UTRN: variants seen among roughly 807,000 people sequenced by gnomAD.
The protein encoded by UTRN is utrophin, also known as dystrophin-related protein 1.
A neutral mutation model predicts 463.9 loss-of-function variants in UTRN; 283 were observed. The observed-to-expected ratio is 0.61, with a 90% CI of 0.55 to 0.67. The LOEUF is 0.67. UTRN is among the 30% of genes least tolerant of loss of function. The pLI is 0.00. For synonymous variants in UTRN, 1,442 were observed against 1,431.5 expected (o/e 1.01, Z -0.17); for missense variants, 3,922 against 4,084.3 (o/e 0.96, Z 1.08).
Position 144,463,629 on chromosome 6 carries a change from T to A in UTRN, c.3066+763T>A, listed in dbSNP as rs11961392. On this transcript the variant is annotated intron_variant, in intron 23 of 74. Transcript: ENST00000367545. Reference sequence around the variant, plus strand: ...CCTTACCTTGGTCTTTTTTTTTTTTTTTCCCCATCAGTCAGGGATCTTTGT... The same window carrying A: ...CCTTACCTTGGTCTTTTTTTTTTTTATTCCCCATCAGTCAGGGATCTTTGT... Among the ~76,000 whole-genome samples, 971 of 151,934 alleles carry A rather than the reference T, an allele frequency of 6.4e-3. 7 individuals carry two copies. Among genetic ancestry groups the A allele is most frequent in the African/African-American group, 0.022 (911 of 41,432 alleles).
intron 2 of UTRN, among the ~76,000 whole-genome samples, chr6:144,353,868 A>C (rs1778328051): frequency 6.8e-6 from 1 of 147,420 alleles, no homozygotes; most frequent in Non-Finnish European, 1.5e-5. Flanking sequence ...AACACACACA[A>C]AAACAAAAAC....
In UTRN at chr6:144,502,994, A is replaced by G. The variant is rs536264862; in HGVS notation, c.4764+3567A>G. ...TGTAGTTTTGATTTGCATTTCTGTA[A>G]TGACCAGTGATGATGAGCTTTTTTT... On this transcript the variant is annotated intron_variant, in intron 34 of 74. Coordinates refer to ENST00000367545, the MANE Select transcript of UTRN (RefSeq NM_007124.3). Among the ~76,000 whole-genome samples, 228 of 152,310 alleles carry G rather than the reference A, an allele frequency of 1.5e-3. 2 individuals are homozygous for G. The highest frequency in any genetic ancestry group is 5.1e-3 in the African/African-American group (214 of 41,560).
chr6:144,732,814 T>C (rs547903011), intron 54 of UTRN, among the ~76,000 whole-genome samples: 74 of 152,152 alleles, frequency 4.9e-4, no homozygotes, highest in African/African-American at 1.7e-3. Context: ...CAGGATCAAG[T>C]GATCAATCCT....
intron 2 of UTRN, among the ~76,000 whole-genome samples, chr6:144,383,855 C>G (rs1781159436): frequency 6.6e-6 from 1 of 152,056 alleles, no homozygotes; most frequent in Non-Finnish European, 1.5e-5. Context: ...TTCAGGTTAC[C>G]TGTAATTATA....
chr6:144,477,927 A>G (rs1477974080), intron 25 of UTRN, among the ~76,000 whole-genome samples: 1 of 151,060 alleles, frequency 6.6e-6, no homozygotes, highest in African/African-American at 2.4e-5. Flanking sequence ...ATCCACATAC[A>G]TATGGTGACA....
In UTRN at chr6:144,287,324, G is replaced by A. The variant is rs557487493; in HGVS notation, c.-93+1503G>A. Among the ~76,000 whole-genome samples the A allele has an allele frequency of 3.4e-4, 52 of 152,262 alleles. 1 individual carries two copies. Among genetic ancestry groups the A allele is most frequent in the African/African-American group, 5.1e-4 (21 of 41,552 alleles). Reference sequence around the variant, plus strand: ...CTAAAATTTATTGGCTCTGTAAACAGTATTAATCACAGTAGTATTAACCTT... The same window carrying A: ...CTAAAATTTATTGGCTCTGTAAACAATATTAATCACAGTAGTATTAACCTT... On this transcript the variant is annotated intron_variant, in intron 1 of 74. Coordinates refer to ENST00000367545, the MANE Select transcript of UTRN (RefSeq NM_007124.3).
intron 65 of UTRN, among the ~76,000 whole-genome samples, chr6:144,805,944 G>T (rs1416728481): frequency 2.0e-5 from 3 of 152,102 alleles, no homozygotes; most frequent in African/African-American, 4.8e-5. Context: ...GAACCCTGGG[G>T]ATCATTGTAA....
intron 2 of UTRN, among the ~76,000 whole-genome samples, chr6:144,312,953 A>C (rs1468984142): frequency 6.6e-6 from 1 of 152,246 alleles, no homozygotes; most frequent in African/African-American, 2.4e-5. Flanking sequence ...CTCAAAATAC[A>C]GTGGCTCAAA....
intron 26 of UTRN, 90 bp from the exon 27 acceptor site, chr6:144,482,119 G>T: frequency 1.7e-6 from 2 of 1,211,138 alleles, no homozygotes; most frequent in African/African-American, 1.5e-5. Flanking sequence ...TTTAACTTTG[G>T]TTTAATTCTT....
intron 47 of UTRN, among the ~76,000 whole-genome samples, chr6:144,549,296 A>C (rs1798694151): frequency 6.6e-6 from 1 of 152,194 alleles, no homozygotes; most frequent in Non-Finnish European, 1.5e-5. Context: ...ATTTGTAAAA[A>C]TTCTTTTTCC....
chr6:144,459,487 CA>C (rs1789194020), intron 21 of UTRN, 133 bp downstream of exon 21: 1 of 992,652 alleles, frequency 1.0e-6, no homozygotes. Flanking sequence ...CTGTATTGTT[CA>C]AAGTCTTAAA....
chr6:144,301,875 G>A (rs957930974), intron 2 of UTRN, among the ~76,000 whole-genome samples: 3 of 151,582 alleles, frequency 2.0e-5, no homozygotes, highest in Non-Finnish European at 4.4e-5. Flanking sequence ...CCTCCCCCTC[G>A]CCCCAAAAAC....
At chr6:144,396,231 G>T (rs565456226) in intron 2 of UTRN, among the ~76,000 whole-genome samples, 1 of 152,290 alleles carries the variant, frequency 6.6e-6, no homozygotes, top group African/African-American at 2.4e-5. Context: ...CTACAACATG[G>T]ATGAAACCTT....
At chr6:144,726,618 G>A (rs1787908729) in intron 53 of UTRN, among the ~76,000 whole-genome samples, 1 of 152,198 alleles carries the variant, frequency 6.6e-6, no homozygotes, top group Non-Finnish European at 1.5e-5. Context: ...ATAGTAGAAG[G>A]TGCCAGGTCT....
Position 144,554,748 on chromosome 6 carries a change from A to G in UTRN, c.6989A>G (p.Gln2330Arg), listed in dbSNP as rs147901970. The G allele has an allele frequency of 6.8e-6, 11 of 1,613,944 alleles. No homozygotes were observed. The highest frequency in any genetic ancestry group is 1.3e-5 in the African/African-American group (1 of 74,890). ...TQHGVELRQQQLEDMIIDSLQ... is the reference protein window; with the variant it reads ...TQHGVELRQQRLEDMIIDSLQ... ...CATGGCGTTGAGCTAAGACAGCAGCAGCTTGAGGACATGATTATTGACAGT... is the reference window on the plus strand; with the variant it reads ...CATGGCGTTGAGCTAAGACAGCAGCGGCTTGAGGACATGATTATTGACAGT... The change falls in exon 49 of 75, where the codon CAG becomes CGG. Residue 2330 changes from glutamine to arginine, a missense_variant. Transcript: ENST00000367545.
intron 14 of UTRN, among the ~76,000 whole-genome samples, chr6:144,446,896 A>C (rs1041421571): frequency 3.3e-5 from 5 of 152,222 alleles, no homozygotes; most frequent in African/African-American, 1.2e-4. Flanking sequence ...GGAAGTTGTA[A>C]TGTAATTCCT....
intron 54 of UTRN, among the ~76,000 whole-genome samples, chr6:144,735,555 G>A (rs1192867696): frequency 6.6e-6 from 1 of 152,154 alleles, no homozygotes; most frequent in Non-Finnish European, 1.5e-5. Context: ...CAACAAGAAA[G>A]AAGGTGCTAG....
chr6:144,782,928 G>T (rs565211414), intron 61 of UTRN, among the ~76,000 whole-genome samples: 1 of 152,136 alleles, frequency 6.6e-6, no homozygotes, highest in Non-Finnish European at 1.5e-5. Flanking sequence ...GGGCACGGTG[G>T]CTCCCGCCTG....
intron 2 of UTRN, among the ~76,000 whole-genome samples, chr6:144,346,913 CT>C (rs1306299183): frequency 6.4e-4 from 96 of 149,798 alleles, no homozygotes; most frequent in African/African-American, 2.3e-3. Context: ...TATCATCTAT[CT>C]ATCTATCGAT....
Sources: gnomAD v4.1 joint callset for allele counts (sites outside exome capture counted in the v4.1 genomes callset) on GRCh38, gnomAD v4.1.1 for gene constraint, MANE v1.5 for transcripts, NCBI Gene and HGNC (gene_info 2026-07-23, HGNC 2026-07-21) for gene names.